The following TXLNG variants were observed in gnomAD, a reference collection of about 807,000 sequenced individuals.
TXLNG encodes the protein gamma-taxilin.
Under a neutral mutation model 38.8 loss-of-function variants are expected in TXLNG, and 5 were observed. That is an observed-to-expected ratio of 0.13 (90% confidence interval 0.07 to 0.27). The LOEUF (loss-of-function observed/expected upper bound fraction) is 0.27, where lower values mean the gene tolerates loss of function less well. Among genes scored for constraint, TXLNG ranks in the 10% least tolerant of loss-of-function variants. The probability of loss-of-function intolerance (pLI) is 1.00; values close to 1 mark genes in which losing one functional copy is unlikely to be tolerated. For missense variants in TXLNG, 393 were observed against 398.2 expected (o/e 0.99, Z 0.11); for synonymous variants, 182 against 158.2 (o/e 1.15, Z -1.13).
At chrX:16,811,761 C>T in intron 1 of TXLNG, among the ~76,000 whole-genome samples, 1 of 105,433 alleles carries the variant, frequency 9.5e-6, no homozygotes, top group Middle Eastern at 4.8e-3. Context: ...CTCAGCATCC[C>T]AAGTAACTGG....
chrX:16,810,385 C>T (rs929083190), intron 1 of TXLNG, among the ~76,000 whole-genome samples: 13 of 111,470 alleles, frequency 1.2e-4, no homozygotes, highest in African/African-American at 3.3e-4. Flanking sequence ...AAGTTATTGG[C>T]CTAAGAATTT....
chrX:16,834,764 C>T (rs1167956273), intron 7 of TXLNG, among the ~76,000 whole-genome samples: 2 of 112,343 alleles, frequency 1.8e-5, no homozygotes, highest in Non-Finnish European at 3.8e-5. Flanking sequence ...TCAAGTTGAA[C>T]CACGTGAAAT....
In TXLNG at chrX:16,786,541, G is replaced by A. The variant is rs916507446; in HGVS notation, c.54G>A (p.Glu18=). 3.6e-6 allele frequency: 4 copies of A among 1,096,656 alleles called. No homozygotes were observed. Among genetic ancestry groups the A allele is most frequent in the Non-Finnish European group, 4.7e-6 (4 of 843,023 alleles). 90.4% of individuals were successfully genotyped at this position (1,096,656 alleles called of 1,213,427 possible). A position where few individuals can be genotyped will look rare whatever the true frequency, so the allele number is the denominator to read the frequency against. ...GGGGAAGAGGCGGCGGCGCCGAAGA[G>A]GCGACTGAGGCCGGACGGGGCGGAC... ...AARGRGGGAE[E]ATEAGRGGRR... is the part of the protein sequence containing the mutation. The change falls in exon 1 of 10, where the codon GAG becomes GAA. Residue 18 remains glutamate (E), a synonymous_variant. Coordinates refer to ENST00000380122, the MANE Select transcript of TXLNG (RefSeq NM_018360.3).
At chrX:16,809,416 T>G (rs1262969017) in intron 1 of TXLNG, among the ~76,000 whole-genome samples, 1 of 101,037 alleles carries the variant, frequency 9.9e-6, no homozygotes, top group African/African-American at 3.6e-5. Flanking sequence ...TGATCTCGGC[T>G]CTCTGCAACC....
chrX:16,827,558 GCC>G (rs1442557348), intron 3 of TXLNG, among the ~76,000 whole-genome samples: 2 of 111,814 alleles, frequency 1.8e-5, no homozygotes, highest in African/African-American at 3.3e-5. Flanking sequence ...AAGTTGAGGA[GCC>G]CATGTTGCTT....
At position 16,820,234 on chromosome X, in the gene TXLNG, C is replaced by T. The variant is rs1472402261; in HGVS notation, c.477C>T (p.Leu159=). 8.3e-7 allele frequency: 1 copy of T among 1,208,781 alleles called. No homozygotes were observed. Among genetic ancestry groups the T allele is most frequent in the South Asian group, 1.8e-5 (1 of 56,630 alleles). ...CCCCAGAGGAGAAGCTGGCAGCTCT[C>T]TGTAAGAAATATGCTGATCTTGTGA... The part of the protein sequence containing the change: ...LSTPEEKLAA[L]CKKYADLLEE... Residue 159 remains leucine, a synonymous_variant, in exon 3 of 10, where the codon CTC becomes CTT. Transcript: ENST00000380122.
chrX:16,802,225 G>T (rs2147466309), intron 1 of TXLNG, among the ~76,000 whole-genome samples: 1 of 99,457 alleles, frequency 1.0e-5, no homozygotes, highest in South Asian at 4.9e-4. Flanking sequence ...AAAGTGCTGG[G>T]ATTACAGGGG....
rs1402398089 is a variant in TXLNG at position 16,842,196 on chromosome X, A to G, written c.*430A>G. ...TTCAGAAAAACAAAATACCAAGGCG[A>G]TTAGTTTTGTCTAATAACCCATTTA... On this transcript the variant is annotated 3_prime_UTR_variant, in exon 10 of 10. Transcript: ENST00000380122. The G allele has an allele frequency of 9.6e-6, 1 of 103,902 alleles. No individual in the cohort carries two copies. Among genetic ancestry groups the G allele is most frequent in the Non-Finnish European group, 1.9e-5 (1 of 51,956 alleles). 8.6% of individuals were successfully genotyped at this position (103,902 alleles called of 1,213,427 possible). A position where few individuals can be genotyped will look rare whatever the true frequency, so the allele number is the denominator to read the frequency against.
intron 1 of TXLNG, among the ~76,000 whole-genome samples, chrX:16,811,964 C>T (rs1258853523): frequency 1.0e-4 from 11 of 109,701 alleles, no homozygotes; most frequent in Non-Finnish European, 1.5e-4. Flanking sequence ...TGTCTTTTTG[C>T]TGTATAGTGG....
At chrX:16,837,505 T>C (rs771589523) in intron 7 of TXLNG, 88 bp from the exon 8 acceptor site, 2 of 604,196 alleles carry the variant, frequency 3.3e-6, no homozygotes, top group Admixed American at 7.4e-5. Context: ...TCACTTGTAA[T>C]AAGTAACCAT....
chrX:16,839,126 G>C (rs984492386), intron 8 of TXLNG, among the ~76,000 whole-genome samples: 6 of 112,181 alleles, frequency 5.3e-5, no homozygotes, highest in South Asian at 3.7e-4. Flanking sequence ...CTGAATTTCT[G>C]AAAATTGTGT....
chrX:16,820,124 C>T (rs759184539), intron 2 of TXLNG, 40 bp from the exon 3 acceptor site: 2 of 1,067,426 alleles, frequency 1.9e-6, no homozygotes, highest in South Asian at 4.0e-5. Flanking sequence ...GATTTGATCT[C>T]ATTCTTCTGG....
chrX:16,792,849 C>T (rs1301217557), intron 1 of TXLNG, among the ~76,000 whole-genome samples: 1 of 110,222 alleles, frequency 9.1e-6, no homozygotes, highest in African/African-American at 3.3e-5. Context: ...GTAATCCCAG[C>T]ACTTTGGAAG....
intron 1 of TXLNG, among the ~76,000 whole-genome samples, chrX:16,806,957 G>A (rs899319873): frequency 4.8e-5 from 5 of 104,365 alleles, no homozygotes; most frequent in African/African-American, 1.8e-4. Context: ...GGTGGCACAC[G>A]CCTGTAGTCC....
At chrX:16,792,602 G>C (rs1249779142) in intron 1 of TXLNG, among the ~76,000 whole-genome samples, 1 of 108,811 alleles carries the variant, frequency 9.2e-6, no homozygotes, top group Non-Finnish European at 1.9e-5. Context: ...GCAACACAGG[G>C]AGACCCCGTC....
At chrX:16,839,962 C>A in intron 9 of TXLNG, 46 bp downstream of exon 9, 1 of 995,089 alleles carries the variant, frequency 1.0e-6, no homozygotes, top group Non-Finnish European at 1.4e-6. Context: ...GTCATGGGGA[C>A]TCCTTGAGTT....
chrX:16,830,260 T>G (rs1929343612), intron 5 of TXLNG, among the ~76,000 whole-genome samples: 1 of 108,233 alleles, frequency 9.2e-6, no homozygotes, highest in Non-Finnish European at 1.9e-5. Context: ...CCCTCACACA[T>G]AAGCCCATTG....
In TXLNG at chrX:16,841,868, A is replaced by G; in HGVS notation, c.*102A>G. ...TGGTGAAAATTTTCTTACTTTTTCT[A>G]CCATATCTGTATTTTCTTAGAACTA... On this transcript the variant is annotated 3_prime_UTR_variant, in exon 10 of 10. Transcript: ENST00000380122. 15 of 913,964 alleles carry G rather than the reference A, an allele frequency of 1.6e-5. No homozygotes were observed. The highest frequency in any genetic ancestry group is 4.5e-6 in the Non-Finnish European group (3 of 659,798). The allele number at this position is 913,964 out of a possible 1,213,427, so 75.3% of individuals were successfully genotyped here. A position where few individuals can be genotyped will look rare whatever the true frequency, so the allele number is the denominator to read the frequency against.
intron 3 of TXLNG, among the ~76,000 whole-genome samples, chrX:16,823,971 C>T (rs936836043): frequency 9.0e-6 from 1 of 111,095 alleles, no homozygotes; most frequent in African/African-American, 3.3e-5. Flanking sequence ...TTAGTAGTTC[C>T]GTGTGTTGGG....
Sources: allele counts gnomAD v4.1 joint callset (sites outside exome capture counted in the v4.1 genomes callset), GRCh38; gene constraint gnomAD v4.1.1; transcripts MANE v1.5; gene names NCBI Gene and HGNC (gene_info 2026-07-23, HGNC 2026-07-21).